PIWIL4: variants seen among roughly 807,000 people sequenced by gnomAD.
PIWIL4 encodes piwi-like protein 4.
A neutral mutation model predicts 100.9 loss-of-function variants in PIWIL4; 50 were observed. That is an observed-to-expected ratio of 0.50 (90% confidence interval 0.39 to 0.63). The LOEUF (loss-of-function observed/expected upper bound fraction) is 0.63. Ranked by LOEUF, PIWIL4 falls within the 20% of genes least tolerant of loss-of-function variation. The pLI is 0.00. For missense variants in PIWIL4, 887 were observed against 1,043.3 expected, an observed-to-expected ratio of 0.85 and a Z score of 2.06; for synonymous variants, 342 against 367.5, an observed-to-expected ratio of 0.93 and a Z score of 0.79.
Position 94,604,041 on chromosome 11 carries a change from TC to T in PIWIL4, c.1625del (p.Pro542LeufsTer6), listed in dbSNP as rs748749395. 1 of 1,604,752 alleles carries T rather than the reference TC, an allele frequency of 6.2e-7. No homozygotes were observed. ...TTAGAGCTATACAGCAATATGTTGA[TC>T]CTGATGTTCAGCTGGTAAGTACAGG... ...FVRAIQQYVD[P>X]DVQLVMCILP... is the part of the protein sequence containing the mutation. On this transcript the variant is annotated frameshift_variant, in exon 13 of 20. Transcript: ENST00000299001. LOFTEE classifies it high-confidence loss of function.
chr11:94,568,899 C>G, intron 2 of PIWIL4, 91 bp downstream of exon 2: 1 of 1,070,412 alleles, frequency 9.3e-7, no homozygotes, highest in South Asian at 1.3e-5. Context: ...AGGCCCACCT[C>G]TTGCACATCC....
chr11:94,582,198 A>C (rs555211856), intron 4 of PIWIL4, among the ~76,000 whole-genome samples: 1 of 152,240 alleles, frequency 6.6e-6, no homozygotes, highest in African/African-American at 2.4e-5. Context: ...ACCTCCCCTC[A>C]ACCACTCATC....
intron 10 of PIWIL4, among the ~76,000 whole-genome samples, chr11:94,596,748 C>A (rs1175360262): frequency 6.6e-6 from 1 of 152,194 alleles, no homozygotes. Context: ...GTACCACACA[C>A]CTCACCCCAT....
chr11:94,611,415 C>G (rs973066383), intron 15 of PIWIL4, among the ~76,000 whole-genome samples: 6 of 152,058 alleles, frequency 3.9e-5, no homozygotes, highest in African/African-American at 1.4e-4. Context: ...TCTTAAACTA[C>G]TTTTGCTGCA....
chr11:94,571,931 A>T (rs958922371), intron 2 of PIWIL4, among the ~76,000 whole-genome samples: 4 of 152,186 alleles, frequency 2.6e-5, no homozygotes, highest in Non-Finnish European at 4.4e-5. Flanking sequence ...ATATTTCCCC[A>T]CATCCTCTCC....
chr11:94,595,201 G>T, intron 9 of PIWIL4, 108 bp from the exon 10 acceptor site: 1 of 819,968 alleles, frequency 1.2e-6, no homozygotes, highest in Non-Finnish European at 2.0e-6. Context: ...TATTGGATGT[G>T]CTATACAGAT....
At chr11:94,598,387 A>G (rs1948586694) in intron 11 of PIWIL4, among the ~76,000 whole-genome samples, 2 of 152,236 alleles carry the variant, frequency 1.3e-5, no homozygotes, top group Admixed American at 6.5e-5. Flanking sequence ...CTCAATGGAC[A>G]TTAAAATCAA....
rs559055831 is a variant in PIWIL4, at chr11:94,593,809, C to T, written c.1150+168C>T. Among the ~76,000 whole-genome samples the T allele has an allele frequency of 7.2e-5, 11 of 152,206 alleles. No homozygotes were observed. The South Asian group carries it at 1.5e-3, about 20-fold the overall frequency. On this transcript the variant is annotated intron_variant, in intron 9 of 19. Coordinates refer to ENST00000299001, the MANE Select transcript of PIWIL4 (RefSeq NM_152431.3). ...AATAATAGAGACATGTTGGGGGAATCGATTCCCTTTATCTCATATATTCCA... is the reference window on the plus strand; with the variant it reads ...AATAATAGAGACATGTTGGGGGAATTGATTCCCTTTATCTCATATATTCCA...
rs1040639299 is a variant in PIWIL4 at position 94,587,300 on chromosome 11, A to G, written c.914+53A>G. The G allele has an allele frequency of 2.6e-6, 4 of 1,529,944 alleles. No individual in the cohort carries two copies. The African/African-American group carries it at 4.1e-5, about 16-fold the overall frequency. 94.8% of individuals were successfully genotyped at this position (1,529,944 alleles called of 1,614,324 possible). On this transcript the variant is annotated intron_variant, in intron 7 of 19. Transcript: ENST00000299001. ...TCTTCAGAAATCAATCATTGATGGT[A>G]TTTGGGAATAGGAATAGTGTTGGAG...
intron 9 of PIWIL4, among the ~76,000 whole-genome samples, chr11:94,594,441 G>T (rs1465656237): frequency 6.7e-6 from 1 of 149,950 alleles, no homozygotes; most frequent in Non-Finnish European, 1.5e-5. Flanking sequence ...ACTCCAGCCT[G>T]AGTGACAGAG....
Position 94,585,876 on chromosome 11 carries a change from C to T in PIWIL4, c.716+351C>T, listed in dbSNP as rs12270751. ...GGTTGACATGAAATTGGCAGGGCAGCGCGGGTCAGAAAGAGAAGCCAACCA... is the reference window on the plus strand; with the variant it reads ...GGTTGACATGAAATTGGCAGGGCAGTGCGGGTCAGAAAGAGAAGCCAACCA... On this transcript the variant is annotated intron_variant, in intron 6 of 19. Transcript: ENST00000299001. Among the ~76,000 whole-genome samples, 1,217 of 152,158 alleles carry T rather than the reference C, an allele frequency of 8.0e-3. 14 individuals are homozygous for T. Among genetic ancestry groups the T allele is most frequent in the African/African-American group, 0.027 (1,132 of 41,496 alleles).
chr11:94,604,699 C>G (rs745971337), intron 13 of PIWIL4, among the ~76,000 whole-genome samples: 1 of 152,222 alleles, frequency 6.6e-6, no homozygotes, highest in Non-Finnish European at 1.5e-5. Context: ...GTTTACTCTT[C>G]TACCAGACCT....
At chr11:94,593,408 G>A (rs1477134356) in intron 8 of PIWIL4, 110 bp from the exon 9 acceptor site, 12 of 1,099,890 alleles carry the variant, frequency 1.1e-5, no homozygotes, top group African/African-American at 1.6e-5. Context: ...CTATGGGATT[G>A]GTTAGATTTA....
intron 9 of PIWIL4, among the ~76,000 whole-genome samples, chr11:94,594,347 CCCCAGCTA>C (rs1948526260): frequency 2.0e-5 from 3 of 151,480 alleles, no homozygotes; most frequent in South Asian, 4.2e-4. Flanking sequence ...GCGTCTGTAA[CCCCAGCTA>C]CTCAGGAGGC....
intron 2 of PIWIL4, among the ~76,000 whole-genome samples, 199 bp from the exon 3 acceptor site, chr11:94,574,800 C>CA (rs1948215562): frequency 1.3e-5 from 2 of 152,206 alleles, no homozygotes; most frequent in South Asian, 4.1e-4. Flanking sequence ...TTATTTTTAA[C>CA]AAAACGTTCT....
rs1347742845 is a variant in PIWIL4, at chr11:94,597,874, C to T, written c.1339C>T (p.Arg447Trp). ...HFGSQISLTG[R>W]IVPSEKILMQ... ...TGGAAGCCAGATATCTCTGACTGGC[C>T]GGATTGTGCCTTCAGAAAAAATATT... The change falls in exon 11 of 20, where the codon CGG (arginine) becomes TGG (tryptophan). Residue 447 changes from arginine to tryptophan, a missense_variant. Physicochemically the swap from Arg to Trp is moderately radical, Grantham distance 101. Coordinates refer to ENST00000299001, the MANE Select transcript of PIWIL4 (RefSeq NM_152431.3). 8.1e-6 allele frequency: 13 copies of T among 1,613,726 alleles called. No homozygotes were observed. Among genetic ancestry groups the T allele is most frequent in the South Asian group, 2.2e-5 (2 of 91,078 alleles).
Position 94,604,894 on chromosome 11 carries a change from A to T in PIWIL4, c.1638+838A>T, listed in dbSNP as rs188076596. Among the ~76,000 whole-genome samples, 474 of 152,312 alleles carry T rather than the reference A, an allele frequency of 3.1e-3. 2 individuals are homozygous for T. The highest frequency in any genetic ancestry group is 9.7e-3 in the African/African-American group (403 of 41,578). On this transcript the variant is annotated intron_variant, in intron 13 of 19. Transcript: ENST00000299001. Reference sequence around the variant, plus strand: ...TCTCTTTTACTCTAAAGGATCTTATATGAAACAGAGAATTCTCACCCTAAG... The same window carrying T: ...TCTCTTTTACTCTAAAGGATCTTATTTGAAACAGAGAATTCTCACCCTAAG...
At chr11:94,617,207 T>C (rs900691139) in intron 16 of PIWIL4, among the ~76,000 whole-genome samples, 1 of 152,114 alleles carries the variant, frequency 6.6e-6, no homozygotes, top group Non-Finnish European at 1.5e-5. Context: ...AATGGACTTA[T>C]ATATATGATT....
intron 10 of PIWIL4, among the ~76,000 whole-genome samples, chr11:94,595,656 C>G (rs190721567): frequency 2.6e-5 from 4 of 152,336 alleles, no homozygotes; most frequent in Admixed American, 2.6e-4. Flanking sequence ...CCTCCATGCC[C>G]TGCTTTCATC....
Sources: allele counts gnomAD v4.1 joint callset (sites outside exome capture counted in the v4.1 genomes callset), GRCh38; gene constraint gnomAD v4.1.1; transcripts MANE v1.5; gene names NCBI Gene and HGNC (gene_info 2026-07-23, HGNC 2026-07-21).